Variants in DPY19L1 observed in about 807,000 individuals in gnomAD.
DPY19L1 encodes protein C-mannosyl-transferase DPY19L1.
Under a neutral mutation model 96.9 loss-of-function variants are expected in DPY19L1, and 35 were observed. The ratio of observed to expected loss-of-function variants is 0.36; its 90% CI spans 0.28 to 0.48. The LOEUF (loss-of-function observed/expected upper bound fraction) is 0.48, where lower values mean the gene tolerates loss of function less well. DPY19L1 is among the 20% of genes least tolerant of loss of function. The pLI is 0.99. For synonymous variants in DPY19L1, 205 were observed against 252.6 expected, an observed-to-expected ratio of 0.81 and a Z score of 1.79; for missense variants, 521 against 777.9, an observed-to-expected ratio of 0.67 and a Z score of 3.93.
At chr7:34,956,507 G>GTTT (rs201489115) in intron 11 of DPY19L1, among the ~76,000 whole-genome samples, 1 of 149,812 alleles carries the variant, frequency 6.7e-6, no homozygotes. Context: ...TGAGAAATGG[G>GTTT]TATTTTTTTT....
At chr7:34,989,217 T>C (rs1435351937) in intron 7 of DPY19L1, among the ~76,000 whole-genome samples, 3 of 152,230 alleles carry the variant, frequency 2.0e-5, no homozygotes, top group African/African-American at 7.2e-5. Flanking sequence ...CTGTGTAGTT[T>C]CTGCAACAAA....
intron 1 of DPY19L1, among the ~76,000 whole-genome samples, chr7:35,018,871 T>C (rs1023175354): frequency 3.9e-5 from 6 of 152,156 alleles, no homozygotes; most frequent in African/African-American, 1.4e-4. Flanking sequence ...TGGAAACTAT[T>C]GCTAATAGAA....
At chr7:35,011,040 A>G (rs934108316) in intron 5 of DPY19L1, among the ~76,000 whole-genome samples, 4 of 152,176 alleles carry the variant, frequency 2.6e-5, no homozygotes, top group African/African-American at 9.7e-5. Flanking sequence ...GTTCCAGCTG[A>G]GCTCAGCCTC....
intron 20 of DPY19L1, among the ~76,000 whole-genome samples, chr7:34,938,512 CAAT>C (rs1370272960): frequency 6.6e-6 from 1 of 152,128 alleles, no homozygotes; most frequent in Non-Finnish European, 1.5e-5. Context: ...TAGACATCAA[CAAT>C]AATTCACATT....
chr7:34,973,618 AT>A lies in DPY19L1; in HGVS notation c.823-14del. 3 of 1,406,326 alleles carry A rather than the reference AT, an allele frequency of 2.1e-6. No individual in the cohort carries two copies. The highest frequency in any genetic ancestry group is 1.9e-6 in the Non-Finnish European group (2 of 1,068,100). The allele number at this position is 1,406,326 out of a possible 1,614,324, so 87.1% of individuals were successfully genotyped here. On this transcript the variant is annotated splice_polypyrimidine_tract_variant and intron_variant, in intron 7 of 21. Coordinates refer to ENST00000638088, the MANE Select transcript of DPY19L1 (RefSeq NM_001366673.1). ...TTACACGGGTACACTGAAAAAAAAAATTTGTAGTATAGTATACTTGCTAAAT... is the reference window on the plus strand; with the variant it reads ...TTACACGGGTACACTGAAAAAAAAAATTGTAGTATAGTATACTTGCTAAAT...
intron 1 of DPY19L1, among the ~76,000 whole-genome samples, chr7:35,035,674 T>C (rs1324556000): frequency 1.3e-5 from 2 of 152,192 alleles, no homozygotes; most frequent in Non-Finnish European, 2.9e-5. Context: ...ACCCACACCT[T>C]TTAGTTATGA....
rs57262214 is a variant in DPY19L1 at position 35,027,668 on chromosome 7, TAAA to T, written c.299-9075_299-9073del. ...CAACATGGCAAAACCCCGTCTCTAC[TAAA>T]AAAAAAAAAAAAAAAAATTAGTTGG... On this transcript the variant is annotated intron_variant, in intron 1 of 21. Coordinates refer to ENST00000638088, the MANE Select transcript of DPY19L1 (RefSeq NM_001366673.1). Among the ~76,000 whole-genome samples, 546 of 71,380 alleles carry T rather than the reference TAAA, an allele frequency of 7.6e-3. 12 individuals are homozygous for T. The highest frequency in any genetic ancestry group is 0.022 in the African/African-American group (513 of 22,902). 46.8% of individuals were successfully genotyped at this position (71,380 alleles called of 152,430 possible).
In DPY19L1 at chr7:34,945,716, T is replaced by A. The variant is rs1475933931; in HGVS notation, c.1495A>T (p.Ile499Phe). 6.3e-7 allele frequency: 1 copy of A among 1,594,956 alleles called. No homozygotes were observed. The highest frequency in any genetic ancestry group is 2.2e-5 in the East Asian group (1 of 44,592). Residue 499 changes from isoleucine to phenylalanine, a missense_variant and splice_region_variant, in exon 16 of 22, where the codon ATT becomes TTT. Ile to Phe is a conservative substitution (Grantham distance 21). Transcript: ENST00000638088. ...AAGACACCCCACATATCACTAATAA[T>A]CTGTAAATAGATTTTGAAACACTTT... ...LVVFVAIVRK[I>F]ISDMWGVLAK...
chr7:34,959,559 T>C (rs533790536), intron 10 of DPY19L1, among the ~76,000 whole-genome samples: 1 of 152,154 alleles, frequency 6.6e-6, no homozygotes, highest in Non-Finnish European at 1.5e-5. Context: ...TTCATGTCCT[T>C]TGCAGGGACA....
At chr7:34,969,243 T>C (rs966395429) in intron 9 of DPY19L1, among the ~76,000 whole-genome samples, 190 bp downstream of exon 9, 5 of 152,084 alleles carry the variant, frequency 3.3e-5, no homozygotes, top group Non-Finnish European at 7.4e-5. Context: ...TAATCCAACA[T>C]ATTTCTCTAC....
chr7:34,994,996 C>T (rs915710068), intron 6 of DPY19L1, among the ~76,000 whole-genome samples: 15 of 152,074 alleles, frequency 9.9e-5, no homozygotes, highest in African/African-American at 3.6e-4. Flanking sequence ...CAACATCTTC[C>T]ATGAATATGG....
At chr7:34,960,334 T>C (rs1474574406) in intron 10 of DPY19L1, among the ~76,000 whole-genome samples, 2 of 152,130 alleles carry the variant, frequency 1.3e-5, no homozygotes, top group East Asian at 3.8e-4. Flanking sequence ...AATCTTCTTT[T>C]ACATGCATTA....
chr7:35,000,773 C>T (rs1030992020), intron 6 of DPY19L1: 3 of 152,160 alleles, frequency 2.0e-5, no homozygotes, highest in Non-Finnish European at 2.9e-5. Context: ...AAGTCTAGAT[C>T]CTTCTTAGTG....
intron 18 of DPY19L1, among the ~76,000 whole-genome samples, chr7:34,941,031 T>A (rs1649215): frequency 6.6e-6 from 1 of 151,822 alleles, no homozygotes; most frequent in Admixed American, 6.6e-5. Context: ...CAACACTTTG[T>A]TCTCTTGATC....
In DPY19L1 at chr7:34,941,799, A is replaced by G; in HGVS notation, c.1655T>C (p.Met552Thr). The change falls in exon 18 of 22, where the codon ATG becomes ACG. Residue 552 changes from methionine to threonine, a missense_variant. Met to Thr is a moderately conservative substitution (Grantham distance 81, BLOSUM62 -1). Coordinates refer to ENST00000638088, the MANE Select transcript of DPY19L1 (RefSeq NM_001366673.1). ...MRLKLFLTPH[M>T]CVMASLICSR... Reference sequence around the variant, plus strand: ...GCAGATCAGTGATGCCATAACACACATGTGTGGTGTCAAGAAGAGTTTTAG... The same window carrying G: ...GCAGATCAGTGATGCCATAACACACGTGTGTGGTGTCAAGAAGAGTTTTAG... 1 of 1,595,460 alleles carries G rather than the reference A, an allele frequency of 6.3e-7. No homozygotes were observed. The highest frequency in any genetic ancestry group is 8.5e-7 in the Non-Finnish European group (1 of 1,172,506).
chr7:34,959,929 A>ATAAATATATATATTTT (rs1784466512), intron 10 of DPY19L1, among the ~76,000 whole-genome samples: 1 of 50,388 alleles, frequency 2.0e-5, no homozygotes, highest in African/African-American at 9.4e-5. Context: ...ATATATTTAT[A>ATAAATATATATATTTT]TATATATATA....
intron 6 of DPY19L1, among the ~76,000 whole-genome samples, chr7:35,008,644 G>T (rs1391009225): frequency 6.6e-6 from 1 of 152,108 alleles, no homozygotes; most frequent in Non-Finnish European, 1.5e-5. Context: ...AGTGCTCTGT[G>T]ACCACATCTG....
intron 3 of DPY19L1, among the ~76,000 whole-genome samples, chr7:35,015,552 C>G (rs2128679283): frequency 6.6e-6 from 1 of 152,360 alleles, no homozygotes; most frequent in East Asian, 1.9e-4. Context: ...ATAGCAACCT[C>G]TGGAAGTTAC....
Position 34,929,084 on chromosome 7 carries a change from A to G in DPY19L1, c.*2489T>C, listed in dbSNP as rs1273496627. On this transcript the variant is annotated 3_prime_UTR_variant, in exon 22 of 22. Transcript: ENST00000638088. ...GAGGCTTATCTTTTTAAAGAAATAC[A>G]GCCCCAACTTTGTTTTCGAAAATGT... The G allele has an allele frequency of 2.0e-5, 3 of 152,236 alleles. No individual in the cohort carries two copies. Among genetic ancestry groups the G allele is most frequent in the Admixed American group, 6.5e-5 (1 of 15,288 alleles). 9.4% of individuals were successfully genotyped at this position (152,236 alleles called of 1,614,324 possible).
Sources: gnomAD v4.1 joint callset for allele counts (sites outside exome capture counted in the v4.1 genomes callset) on GRCh38, gnomAD v4.1.1 for gene constraint, MANE v1.5 for transcripts, NCBI Gene and HGNC (gene_info 2026-07-23, HGNC 2026-07-21) for gene names.